Variants in GLRB observed in about 807,000 individuals in gnomAD.
GLRB encodes glycine receptor subunit beta.
Under a neutral mutation model 54.2 loss-of-function variants are expected in GLRB, and 33 were observed. The ratio of observed to expected loss-of-function variants is 0.61; its 90% CI spans 0.46 to 0.81. The LOEUF (loss-of-function observed/expected upper bound fraction) is 0.81, where lower values mean the gene tolerates loss of function less well. Among genes scored for constraint, GLRB ranks in the 40% least tolerant of loss-of-function variants. GLRB has a pLI of 0.00. For synonymous variants in GLRB, 209 were observed against 208.2 expected (o/e 1.00, Z -0.03); for missense variants, 572 against 584.6 (o/e 0.98, Z 0.22).
At chr4:157,121,442 C>A (rs1217248876) in intron 3 of GLRB, among the ~76,000 whole-genome samples, 2 of 145,606 alleles carry the variant, frequency 1.4e-5, no homozygotes, top group African/African-American at 5.2e-5. Flanking sequence ...ATCAGATTAA[C>A]ATTATAAGGC....
chr4:157,162,791 A>C (rs1737558959), intron 9 of GLRB, among the ~76,000 whole-genome samples: 1 of 152,192 alleles, frequency 6.6e-6, no homozygotes, highest in Non-Finnish European at 1.5e-5. Context: ...TCAGGGACCC[A>C]CTTGAGAAGG....
chr4:157,163,336 G>A (rs1363656275), intron 9 of GLRB, among the ~76,000 whole-genome samples: 1 of 152,042 alleles, frequency 6.6e-6, no homozygotes, highest in Non-Finnish European at 1.5e-5. Flanking sequence ...AGTCAGACAA[G>A]CCCCAGTGAG....
At chr4:157,076,665 C>T (rs1233486514) in intron 1 of GLRB, 1 of 152,262 alleles carries the variant, frequency 6.6e-6, no homozygotes, top group Non-Finnish European at 1.5e-5. Context: ...GGGGTGAGGA[C>T]AGAGCAGAGT....
intron 2 of GLRB, among the ~76,000 whole-genome samples, chr4:157,088,783 C>T (rs982217276): frequency 6.6e-6 from 1 of 152,036 alleles, no homozygotes; most frequent in Non-Finnish European, 1.5e-5. Context: ...TTTAAATTTT[C>T]TTCGTTTCTT....
At chr4:157,120,147 A>G (rs575799314) in intron 2 of GLRB, among the ~76,000 whole-genome samples, 67 of 147,678 alleles carry the variant, frequency 4.5e-4, no homozygotes, top group African/African-American at 1.6e-3. Context: ...AAAACCAAAC[A>G]CTGCGTGTTC....
intron 6 of GLRB, 145 bp downstream of exon 6, chr4:157,137,031 A>G (rs944075904): frequency 6.3e-6 from 4 of 638,578 alleles, no homozygotes; most frequent in Middle Eastern, 3.9e-4. Context: ...TAGGGAAATT[A>G]TAGTTACTCT....
At chr4:157,086,361 C>T (rs1014485051) in intron 2 of GLRB, among the ~76,000 whole-genome samples, 1 of 152,082 alleles carries the variant, frequency 6.6e-6, no homozygotes, top group Non-Finnish European at 1.5e-5. Context: ...CTTACTAATG[C>T]TTTGATGTCT....
At chr4:157,122,052 A>G (rs1318714024) in intron 3 of GLRB, among the ~76,000 whole-genome samples, 1 of 151,078 alleles carries the variant, frequency 6.6e-6, no homozygotes, top group Non-Finnish European at 1.5e-5. Context: ...AAGTAAATGT[A>G]TTTTACAGAG....
intron 7 of GLRB, among the ~76,000 whole-genome samples, chr4:157,140,530 G>A (rs778056797): frequency 4.0e-5 from 6 of 151,824 alleles, no homozygotes; most frequent in Non-Finnish European, 8.9e-5. Context: ...TTGATCTCTC[G>A]CTATACTAGG....
intron 7 of GLRB, among the ~76,000 whole-genome samples, chr4:157,140,081 T>C (rs1265813115): frequency 6.6e-6 from 1 of 151,980 alleles, no homozygotes; most frequent in Non-Finnish European, 1.5e-5. Context: ...CATTAGCAAA[T>C]GATATAACTT....
intron 2 of GLRB, among the ~76,000 whole-genome samples, chr4:157,101,630 G>A (rs1444242588): frequency 6.6e-6 from 1 of 151,804 alleles, no homozygotes; most frequent in Non-Finnish European, 1.5e-5. Context: ...CCTGAAATTG[G>A]GGTTAACTTT....
chr4:157,116,684 T>A (rs2126520690), intron 2 of GLRB, among the ~76,000 whole-genome samples: 1 of 151,880 alleles, frequency 6.6e-6, no homozygotes, highest in South Asian at 2.1e-4. Context: ...GTAGAGATAA[T>A]TTTAATGTTA....
intron 2 of GLRB, among the ~76,000 whole-genome samples, chr4:157,108,982 A>G (rs1460258191): frequency 6.6e-6 from 1 of 152,168 alleles, no homozygotes; most frequent in Non-Finnish European, 1.5e-5. Flanking sequence ...AACCTTGTTT[A>G]AAGCTCAGAT....
chr4:157,112,040 T>A (rs1366054353), intron 2 of GLRB, among the ~76,000 whole-genome samples: 1 of 151,956 alleles, frequency 6.6e-6, no homozygotes, highest in Non-Finnish European at 1.5e-5. Context: ...TATCTGCTTA[T>A]TAAATATTGC....
chr4:157,135,056 A>G (rs1736351325), intron 4 of GLRB, among the ~76,000 whole-genome samples: 1 of 152,144 alleles, frequency 6.6e-6, no homozygotes, highest in African/African-American at 2.4e-5. Context: ...AAATACCTAT[A>G]TAATGGTATG....
At chr4:157,162,519 G>T (rs1159336916) in intron 9 of GLRB, among the ~76,000 whole-genome samples, 4 of 152,128 alleles carry the variant, frequency 2.6e-5, no homozygotes, top group Non-Finnish European at 4.4e-5. Context: ...TGCGGTTTTG[G>T]TGTGTATGTC....
chr4:157,139,392 T>C (rs1323338213), intron 7 of GLRB, among the ~76,000 whole-genome samples: 1 of 152,104 alleles, frequency 6.6e-6, no homozygotes, highest in Non-Finnish European at 1.5e-5. Flanking sequence ...GCATTGATCC[T>C]TATGCTATGC....
rs147912189 is a variant in GLRB at position 157,159,624 on chromosome 4, A to G, written c.1197+6614A>G. Among the ~76,000 whole-genome samples the G allele has an allele frequency of 3.9e-3, 586 of 152,146 alleles. 15 individuals carry two copies. In the East Asian group the frequency reaches 0.041, roughly 11 times the overall value. ...TTTTGTCTTTGGTTCTGTTTATAGG[A>G]TGGGTTACATTTATTGATTTGCATA... On this transcript the variant is annotated intron_variant, in intron 9 of 9. Coordinates refer to ENST00000264428, the MANE Select transcript of GLRB (RefSeq NM_000824.5).
At chr4:157,148,970 A>G (rs1179835769) in intron 8 of GLRB, among the ~76,000 whole-genome samples, 3 of 152,104 alleles carry the variant, frequency 2.0e-5, no homozygotes, top group Non-Finnish European at 4.4e-5. Flanking sequence ...AAGGTCTGTT[A>G]TTAGACCCTA....
Sources: allele counts gnomAD v4.1 joint callset (sites outside exome capture counted in the v4.1 genomes callset), GRCh38; gene constraint gnomAD v4.1.1; transcripts MANE v1.5; gene names NCBI Gene and HGNC (gene_info 2026-07-23, HGNC 2026-07-21).